TFAP2A: variants seen among roughly 807,000 people sequenced by gnomAD.
The protein encoded by TFAP2A is transcription factor AP-2 alpha.
Under a neutral mutation model 41.5 loss-of-function variants are expected in TFAP2A, and 7 were observed. That is an observed-to-expected ratio of 0.17 (90% CI 0.10 to 0.32). TFAP2A has a LOEUF of 0.32. TFAP2A is among the 10% of genes least tolerant of loss of function. The pLI is 1.00. For missense variants in TFAP2A, 416 were observed against 563.3 expected (o/e 0.74, Z 2.65); for synonymous variants, 247 against 242.8 (o/e 1.02, Z -0.16).
At position 10,409,681 on chromosome 6, in the gene TFAP2A, G is replaced by A; in HGVS notation, c.486+220C>T. The A allele has an allele frequency of 5.1e-6, 3 of 588,824 alleles. No individual in the cohort carries two copies. In the South Asian group the frequency reaches 6.0e-5, roughly 12 times the overall value. The allele number at this position is 588,824 out of a possible 1,614,324, so 36.5% of individuals were successfully genotyped here. On this transcript the variant is annotated intron_variant, in intron 2 of 6. Transcript: ENST00000379613. Reference sequence around the variant, plus strand: ...TGGTGGAAATGGTAATGCAGGCATTGTTTGAGGGAGCTCCAGAAACCATTG... The same window carrying A: ...TGGTGGAAATGGTAATGCAGGCATTATTTGAGGGAGCTCCAGAAACCATTG...
upstream of TFAP2A, chr6:10,419,604 A>G: frequency 1.1e-6 from 1 of 914,598 alleles, no homozygotes; most frequent in Non-Finnish European, 1.8e-6. Context: ...CTACCTGCCG[A>G]CGCATGCGCG....
Position 10,414,834 on chromosome 6 carries a change from T to C in TFAP2A, c.51+107A>G, listed in dbSNP as rs901426772. On this transcript the variant is annotated intron_variant, in intron 1 of 6. Coordinates refer to ENST00000379613, the MANE Select transcript of TFAP2A (RefSeq NM_001372066.1). ...GGACGGGCGCTGCGCTGGGGAAAGTTTGTCCCACCCGCGTTTCGCAGCTGG... is the reference window on the plus strand; with the variant it reads ...GGACGGGCGCTGCGCTGGGGAAAGTCTGTCCCACCCGCGTTTCGCAGCTGG... 3 of 1,485,916 alleles carry C rather than the reference T, an allele frequency of 2.0e-6. No individual in the cohort carries two copies. In the African/African-American group the frequency reaches 4.1e-5, roughly 21 times the overall value. 92.0% of individuals were successfully genotyped at this position (1,485,916 alleles called of 1,614,324 possible). A position where few individuals can be genotyped will look rare whatever the true frequency, so the allele number is the denominator to read the frequency against.
At chr6:10,419,613 C>T, upstream of TFAP2A, 1 of 839,722 alleles carries the variant, frequency 1.2e-6, no homozygotes, top group South Asian at 1.5e-5. Context: ...GACGCATGCG[C>T]GCTGGCCCAG....
intron 1 of TFAP2A, chr6:10,414,590 C>A: frequency 2.1e-6 from 1 of 470,250 alleles, no homozygotes; most frequent in Non-Finnish European, 3.9e-6. Context: ...CCCTCAATCT[C>A]GATGAAGATA....
At chr6:10,399,604 G>A (rs998946013) in intron 6 of TFAP2A, among the ~76,000 whole-genome samples, 2 of 152,194 alleles carry the variant, frequency 1.3e-5, no homozygotes, top group African/African-American at 4.8e-5. Context: ...AGGAGCCTGG[G>A]CTGGCTCCCT....
intron 4 of TFAP2A, among the ~76,000 whole-genome samples, chr6:10,404,103 G>C (rs1008699838): frequency 2.0e-5 from 3 of 152,238 alleles, no homozygotes; most frequent in Non-Finnish European, 4.4e-5. Flanking sequence ...AGCCTGAGAG[G>C]AACTTTTCCT....
At chr6:10,406,612 T>C (rs113839735) in intron 3 of TFAP2A, 181 bp downstream of exon 3, 3 of 636,760 alleles carry the variant, frequency 4.7e-6, no homozygotes, top group African/African-American at 1.8e-5. Context: ...AGCTAGCCTG[T>C]TGGCATTACC....
In TFAP2A at chr6:10,414,935, G is replaced by C; in HGVS notation, c.51+6C>G. 1.9e-6 allele frequency: 3 copies of C among 1,614,024 alleles called. No homozygotes were observed. Among genetic ancestry groups the C allele is most frequent in the Non-Finnish European group, 2.5e-6 (3 of 1,179,978 alleles). On this transcript the variant is annotated splice_donor_region_variant and intron_variant, in intron 1 of 6. Coordinates refer to ENST00000379613, the MANE Select transcript of TFAP2A (RefSeq NM_001372066.1). The stretch of plus-strand genomic sequence containing the variant: ...GCACGGATGATCGAGCCGGCGTCGC[G>C]CTTACCTCGCAGTCCTCGTACTTGA...
At chr6:10,412,505 G>A (rs1758031914) in intron 1 of TFAP2A, 2 of 123,174 alleles carry the variant, frequency 1.6e-5, no homozygotes, top group Admixed American at 1.7e-4. Context: ...GAGGGGGAGG[G>A]GGCCCAGCCG....
At chr6:10,417,009 C>A (rs896111750), upstream of TFAP2A, 1 of 152,372 alleles carries the variant, frequency 6.6e-6, no homozygotes, top group South Asian at 2.1e-4. Flanking sequence ...CAGGGCTAGA[C>A]CCTGCAGGGC....
At chr6:10,415,177 A>T (rs2113230004), upstream of TFAP2A, 1 of 1,244,748 alleles carries the variant, frequency 8.0e-7, no homozygotes, top group African/African-American at 1.5e-5. Flanking sequence ...GAGGAGGGCG[A>T]GGAGGAGGAG....
intron 1 of TFAP2A, chr6:10,411,757 G>C (rs923531114): frequency 6.7e-7 from 1 of 1,484,918 alleles, no homozygotes; most frequent in Non-Finnish European, 8.9e-7. Flanking sequence ...GAGCGCGGGA[G>C]CCCGGCTCGG....
At chr6:10,406,951 C>T (rs1245044954) in intron 2 of TFAP2A, 107 bp from the exon 3 acceptor site, 2 of 894,708 alleles carry the variant, frequency 2.2e-6, no homozygotes, top group Non-Finnish European at 3.8e-6. Context: ...AAAATTCCCC[C>T]TCCCGTATAA....
chr6:10,408,774 C>T (rs1339051271), intron 2 of TFAP2A, among the ~76,000 whole-genome samples: 1 of 152,212 alleles, frequency 6.6e-6, no homozygotes, highest in Non-Finnish European at 1.5e-5. Context: ...TTTCTATTTT[C>T]CTACGGAACT....
At position 10,397,071 on chromosome 6, in the gene TFAP2A, TG is replaced by T. The variant is rs1277251337; in HGVS notation, c.*1345del. ...AAAGCGTATCAAATATTTATTTATC[TG>T]GGCAACAAAGGACTATGATACATTG... On this transcript the variant is annotated 3_prime_UTR_variant, in exon 7 of 7. Transcript: ENST00000379613. 1.3e-5 allele frequency: 2 copies of T among 152,490 alleles called. No homozygotes were observed. Among genetic ancestry groups the T allele is most frequent in the Non-Finnish European group, 2.9e-5 (2 of 68,030 alleles). The allele number at this position is 152,490 out of a possible 1,614,324, so 9.4% of individuals were successfully genotyped here.
intron 3 of TFAP2A, 170 bp from the exon 4 acceptor site, chr6:10,404,909 C>A: frequency 1.5e-6 from 1 of 658,530 alleles, no homozygotes; most frequent in African/African-American, 1.8e-5. Context: ...CTTCCTCGGG[C>A]TCGAGCCCTT....
Position 10,397,841 on chromosome 6 carries a change from T to A in TFAP2A, c.*576A>T. 1 of 986,614 alleles carries A rather than the reference T, an allele frequency of 1.0e-6. No individual in the cohort carries two copies. The highest frequency in any genetic ancestry group is 1.2e-6 in the Non-Finnish European group (1 of 830,870). 61.1% of individuals were successfully genotyped at this position (986,614 alleles called of 1,614,324 possible). A position where few individuals can be genotyped will look rare whatever the true frequency, so the allele number is the denominator to read the frequency against. On this transcript the variant is annotated 3_prime_UTR_variant, in exon 7 of 7. Transcript: ENST00000379613. ...GGAAAAACTTCTACAACTGAAGACA[T>A]GACATGGAACTTCGTGTATTTGTGT...
In TFAP2A at chr6:10,410,177, C is replaced by A; in HGVS notation, c.210G>T (p.Gln70His). The A allele has an allele frequency of 7.0e-7, 1 of 1,431,210 alleles. No individual in the cohort carries two copies. Among genetic ancestry groups the A allele is most frequent in the Non-Finnish European group, 9.3e-7 (1 of 1,072,534 alleles). The allele number at this position is 1,431,210 out of a possible 1,614,324, so 88.7% of individuals were successfully genotyped here. ...TGACGTGGGAGTAAGGATCTTGCGA[C>A]TGGGGGTAGATAGGCTGGTAGGGTG... Reference protein sequence around the residue: ...FPPPYQPIYPQSQDPYSHVND... With the variant: ...FPPPYQPIYPHSQDPYSHVND... Residue 70 changes from glutamine to histidine, a missense_variant, in exon 2 of 7, where the codon CAG becomes CAT. Around this residue, in one of 3 missense-constraint regions of TFAP2A, gnomAD observed 241 missense variants for 274.1 expected, o/e 0.88. Coordinates refer to ENST00000379613, the MANE Select transcript of TFAP2A (RefSeq NM_001372066.1).
At chr6:10,407,847 G>A (rs1042428600) in intron 2 of TFAP2A, 1 of 152,130 alleles carries the variant, frequency 6.6e-6, no homozygotes, top group Non-Finnish European at 1.5e-5. Flanking sequence ...TTTATTACAG[G>A]TTTTATTATA....
Sources: allele counts gnomAD v4.1 joint callset (sites outside exome capture counted in the v4.1 genomes callset), GRCh38; gene constraint gnomAD v4.1.1; regional missense constraint gnomAD v4.1.1; transcripts MANE v1.5; gene names NCBI Gene and HGNC (gene_info 2026-07-23, HGNC 2026-07-21).